The following MBD2 variants were observed in gnomAD, a reference collection of about 807,000 sequenced individuals.
The protein encoded by MBD2 is methyl-CpG binding domain protein 2.
MBD2 carries 9 observed loss-of-function variants against 39.3 expected under a neutral mutation model. The observed-to-expected ratio is 0.23, with a 90% CI of 0.14 to 0.40. The LOEUF (loss-of-function observed/expected upper bound fraction) is 0.40, where lower values mean the gene tolerates loss of function less well. Ranked by LOEUF, MBD2 falls within the 10% of genes least tolerant of loss-of-function variation. MBD2 has a pLI of 1.00. For missense variants in MBD2, 458 were observed against 532.6 expected (o/e 0.86, Z 1.38); for synonymous variants, 233 against 211.1 (o/e 1.10, Z -0.90).
chr18:54,211,388 T>TACACACACACACAC lies in MBD2; in HGVS notation c.543-6245_543-6232dup, dbSNP rs113321648. 8.7e-4 allele frequency among the ~76,000 whole-genome samples: 129 copies of TACACACACACACAC among 148,220 alleles called. 1 individual carries two copies. The highest frequency in any genetic ancestry group is 2.2e-3 in the South Asian group (10 of 4,614). On this transcript the variant is annotated intron_variant, in intron 1 of 6. Transcript: ENST00000256429. ...ATTAAAAGAATGTATATTATTGCTA[T>TACACACACACACAC]ACACACACACACACACACACACACA...
intron 5 of MBD2, 155 bp from the exon 6 acceptor site, chr18:54,160,058 A>C: frequency 1.4e-6 from 1 of 728,750 alleles, no homozygotes; most frequent in Non-Finnish European, 2.2e-6. Context: ...CTACACACAA[A>C]TCAAACCTCA....
intron 5 of MBD2, among the ~76,000 whole-genome samples, chr18:54,160,749 ACATC>A (rs2086091130): frequency 6.6e-6 from 1 of 152,082 alleles, no homozygotes; most frequent in Non-Finnish European, 1.5e-5. Context: ...ATAGAAATTG[ACATC>A]CAGAACCAAG....
At chr18:54,210,077 A>G (rs8089935) in intron 1 of MBD2, among the ~76,000 whole-genome samples, 65,876 of 151,920 alleles carry the variant, frequency 0.43, 14,786 homozygotes, top group African/African-American at 0.52. Flanking sequence ...ATGAAATACT[A>G]TTTCACTTTC....
chr18:54,212,050 G>A (rs2086512819), intron 1 of MBD2, among the ~76,000 whole-genome samples: 1 of 151,920 alleles, frequency 6.6e-6, no homozygotes, highest in African/African-American at 2.4e-5. Flanking sequence ...TAGAGACGGG[G>A]TTTCACTATG....
chr18:54,195,163 T>C lies in MBD2; in HGVS notation c.703-6152A>G, dbSNP rs547303615. Among the ~76,000 whole-genome samples, 27 of 152,198 alleles carry C rather than the reference T, an allele frequency of 1.8e-4. No individual in the cohort carries two copies. In the South Asian group the frequency reaches 4.6e-3, roughly 26 times the overall value. The stretch of plus-strand genomic sequence containing the variant: ...AAACCATCCATGTCTATGAATATCA[T>C]GTAAAGCCTCCACACAGCATAGTTT... On this transcript the variant is annotated intron_variant, in intron 2 of 6. Coordinates refer to ENST00000256429, the MANE Select transcript of MBD2 (RefSeq NM_003927.5).
At chr18:54,210,423 A>C (rs1450348177) in intron 1 of MBD2, among the ~76,000 whole-genome samples, 2 of 152,236 alleles carry the variant, frequency 1.3e-5, no homozygotes, top group Admixed American at 6.5e-5. Context: ...GACAACTATA[A>C]TATGCCCTGC....
intron 5 of MBD2, 32 bp from the exon 6 acceptor site, chr18:54,159,935 A>G (rs1317602763): frequency 3.1e-6 from 5 of 1,606,484 alleles, no homozygotes; most frequent in Non-Finnish European, 3.4e-6. Context: ...AGGCACTGAG[A>G]ATTTGGCAAG....
In MBD2 at chr18:54,199,691, T is replaced by C. The variant is rs780495740; in HGVS notation, c.702+5307A>G. ...GGGTTATTGCAGCATCCATTCTCTT[T>C]GTGTAACCATCAGGTACTTACATCT... On this transcript the variant is annotated intron_variant, in intron 2 of 6. Coordinates refer to ENST00000256429, the MANE Select transcript of MBD2 (RefSeq NM_003927.5). Among the ~76,000 whole-genome samples, 3 of 152,194 alleles carry C rather than the reference T, an allele frequency of 2.0e-5. No homozygotes were observed. In the South Asian group the frequency reaches 6.2e-4, roughly 32 times the overall value.
At chr18:54,191,399 G>A (rs995275413) in intron 2 of MBD2, among the ~76,000 whole-genome samples, 3 of 152,180 alleles carry the variant, frequency 2.0e-5, no homozygotes, top group African/African-American at 7.2e-5. Flanking sequence ...TCATTTTTTA[G>A]TGCCTTTAAT....
At chr18:54,211,795 T>C (rs1445501232) in intron 1 of MBD2, among the ~76,000 whole-genome samples, 1 of 152,214 alleles carries the variant, frequency 6.6e-6, no homozygotes, top group Non-Finnish European at 1.5e-5. Context: ...CAGTGGACTT[T>C]TACCCCATAA....
At chr18:54,215,544 A>G (rs990695472) in intron 1 of MBD2, among the ~76,000 whole-genome samples, 1 of 145,514 alleles carries the variant, frequency 6.9e-6, no homozygotes, top group Admixed American at 7.0e-5. Flanking sequence ...GCTGGAGTGC[A>G]GTGGCGCGAT....
chr18:54,223,141 C>T (rs1265649940), intron 1 of MBD2, among the ~76,000 whole-genome samples: 2 of 152,184 alleles, frequency 1.3e-5, no homozygotes, highest in Admixed American at 1.3e-4. Context: ...ATTAAGTCCA[C>T]GGATGTCAAT....
intron 1 of MBD2, among the ~76,000 whole-genome samples, chr18:54,211,388 TACACACACAC>T (rs113321648): frequency 2.7e-5 from 4 of 148,218 alleles, no homozygotes; most frequent in South Asian, 2.2e-4. Context: ...ATTATTGCTA[TACACACACAC>T]ACACACACAC....
At chr18:54,194,277 A>T (rs2086346721) in intron 2 of MBD2, among the ~76,000 whole-genome samples, 2 of 152,092 alleles carry the variant, frequency 1.3e-5, no homozygotes, top group South Asian at 4.1e-4. Flanking sequence ...ACCCACCATT[A>T]CCTACATTAC....
chr18:54,179,243 T>C (rs752312612), intron 3 of MBD2, among the ~76,000 whole-genome samples: 2 of 152,138 alleles, frequency 1.3e-5, no homozygotes, highest in South Asian at 2.1e-4. Flanking sequence ...ATAAAAAAAA[T>C]AGGCTGAGAT....
chr18:54,188,022 G>C (rs977950083), intron 3 of MBD2, among the ~76,000 whole-genome samples: 4 of 152,126 alleles, frequency 2.6e-5, no homozygotes, highest in Admixed American at 2.6e-4. Flanking sequence ...AGGGGAATAC[G>C]AGAGCAAAAG....
intron 3 of MBD2, among the ~76,000 whole-genome samples, chr18:54,181,995 A>T (rs2086254913): frequency 6.6e-6 from 1 of 151,958 alleles, no homozygotes; most frequent in Non-Finnish European, 1.5e-5. Flanking sequence ...TGTTTTTTTC[A>T]TTGCACTTAA....
intron 5 of MBD2, among the ~76,000 whole-genome samples, chr18:54,161,388 C>T (rs560385332): frequency 3.6e-4 from 55 of 152,290 alleles, no homozygotes; most frequent in African/African-American, 1.2e-3. Flanking sequence ...GACAGATTTT[C>T]ATGTCATGGG....
intron 6 of MBD2, among the ~76,000 whole-genome samples, chr18:54,157,781 C>T (rs1036943180): frequency 6.6e-6 from 1 of 152,202 alleles, no homozygotes; most frequent in Non-Finnish European, 1.5e-5. Context: ...AGTTCCCTCC[C>T]ACCCAGCTCA....
Sources: allele counts gnomAD v4.1 joint callset (sites outside exome capture counted in the v4.1 genomes callset), GRCh38; gene constraint gnomAD v4.1.1; transcripts MANE v1.5; gene names NCBI Gene and HGNC (gene_info 2026-07-23, HGNC 2026-07-21).